CELF2: variants seen among roughly 807,000 people sequenced by gnomAD.
CELF2 encodes the protein CUGBP Elav-like family member 2.
Under a neutral mutation model 62.6 loss-of-function variants are expected in CELF2, and 8 were observed. The ratio of observed to expected loss-of-function variants is 0.13; its 90% CI spans 0.07 to 0.23. The LOEUF is 0.23. CELF2 is among the 10% of genes least tolerant of loss of function. CELF2 has a pLI of 1.00. For synonymous variants in CELF2, 258 were observed against 250.0 expected (o/e 1.03, Z -0.30); for missense variants, 333 against 671.0 (o/e 0.50, Z 5.56).
chr10:10,924,279 C>CT (rs1344777105), intron 2 of CELF2, among the ~76,000 whole-genome samples: 8,232 of 52,294 alleles, frequency 0.16, 1,305 homozygotes, highest in East Asian at 0.26. Context: ...GAGACTCCGT[C>CT]CCAAAAAAAA....
intron 8 of CELF2, among the ~76,000 whole-genome samples, chr10:11,282,764 A>G (rs1419440767): frequency 6.6e-6 from 1 of 152,240 alleles, no homozygotes; most frequent in East Asian, 1.9e-4. Context: ...AGTGAGGCAG[A>G]GCCAGCTTTC....
At chr10:10,759,239 T>C in the CELF2 span, among the ~76,000 whole-genome samples, 2 of 149,958 alleles carry the variant, frequency 1.3e-5, no homozygotes, top group Non-Finnish European at 3.0e-5. Context: ...CCACCCTACA[T>C]AAAGCAGGCA....
the CELF2 span, among the ~76,000 whole-genome samples, chr10:10,741,661 T>G: frequency 6.6e-6 from 1 of 152,168 alleles, no homozygotes; most frequent in African/African-American, 2.4e-5. Flanking sequence ...TTCTCAGTGC[T>G]TCAAATCAGT....
chr10:10,676,391 G>A, the CELF2 span, among the ~76,000 whole-genome samples: 27 of 152,324 alleles, frequency 1.8e-4, no homozygotes, highest in African/African-American at 3.8e-4. Flanking sequence ...ACATTAGACC[G>A]TGGTTAACTA....
At chr10:10,516,390 T>C in the CELF2 span, among the ~76,000 whole-genome samples, 3 of 152,192 alleles carry the variant, frequency 2.0e-5, no homozygotes, top group Admixed American at 1.3e-4. Flanking sequence ...TTTTACTATA[T>C]AAAAAATGTA....
intron 1 of CELF2, among the ~76,000 whole-genome samples, chr10:10,836,827 G>T (rs773611091): frequency 6.6e-6 from 1 of 152,096 alleles, no homozygotes; most frequent in African/African-American, 2.4e-5. Context: ...AATAGAGATG[G>T]GGTTTCACCG....
chr10:10,918,718 C>T (rs978750306), intron 1 of CELF2, among the ~76,000 whole-genome samples: 2 of 152,104 alleles, frequency 1.3e-5, no homozygotes, highest in African/African-American at 4.8e-5. Context: ...GTCAATGAAC[C>T]GTCTGCAAGT....
At chr10:10,536,717 C>A in the CELF2 span, among the ~76,000 whole-genome samples, 2 of 152,144 alleles carry the variant, frequency 1.3e-5, no homozygotes, top group Non-Finnish European at 1.5e-5. Context: ...AGAAAAACAC[C>A]AGTTATTTTA....
rs2082412546 is a variant in CELF2, at chr10:11,267,272, T to G, written c.618+595T>G. Among the ~76,000 whole-genome samples the G allele has an allele frequency of 6.6e-6, 1 of 152,170 alleles. No homozygotes were observed. Among genetic ancestry groups the G allele is most frequent in the South Asian group, 2.1e-4 (1 of 4,830 alleles). ...AAAGATGAGCAATAACAAAGAAACATAATAAAGGCTCAAATGTGGTCTCCT... is the reference window on the plus strand; with the variant it reads ...AAAGATGAGCAATAACAAAGAAACAGAATAAAGGCTCAAATGTGGTCTCCT... On this transcript the variant is annotated intron_variant, in intron 6 of 12. Coordinates refer to ENST00000633077, the MANE Select transcript of CELF2 (RefSeq NM_001326342.2). The surrounding 1 kb of genome is among the most constrained non-coding windows in gnomAD (Gnocchi z 4.4).
the CELF2 span, among the ~76,000 whole-genome samples, chr10:10,483,382 T>C: frequency 6.6e-6 from 1 of 152,166 alleles, no homozygotes; most frequent in South Asian, 2.1e-4. Flanking sequence ...GAAGATTTCA[T>C]AGTGAGTTGG....
At chr10:11,210,347 C>A (rs778113893) in intron 2 of CELF2, among the ~76,000 whole-genome samples, 1 of 152,164 alleles carries the variant, frequency 6.6e-6, no homozygotes, top group Admixed American at 6.5e-5. Context: ...TGGACAGGCC[C>A]GTCTTGACCC....
chr10:11,175,297 A>G (rs531714797), intron 2 of CELF2, among the ~76,000 whole-genome samples: 16 of 152,280 alleles, frequency 1.1e-4, no homozygotes, highest in African/African-American at 3.1e-4. Context: ...TAGGAGGTTA[A>G]CTTAAAAGAC....
the CELF2 span, among the ~76,000 whole-genome samples, chr10:10,574,411 G>T: frequency 4.6e-5 from 7 of 152,102 alleles, no homozygotes; most frequent in Non-Finnish European, 8.8e-5. Flanking sequence ...TACTCCACAG[G>T]TTAAGGAAAA....
At chr10:11,272,812 A>G (rs901897320) in intron 7 of CELF2, among the ~76,000 whole-genome samples, 2 of 152,330 alleles carry the variant, frequency 1.3e-5, no homozygotes, top group South Asian at 2.1e-4. Flanking sequence ...ATCCATGGCA[A>G]TAATCCTGGG....
chr10:10,782,025 T>C, the CELF2 span, among the ~76,000 whole-genome samples: 1 of 152,194 alleles, frequency 6.6e-6, no homozygotes, highest in Non-Finnish European at 1.5e-5. Context: ...AATTGAGAGA[T>C]GATTTAAAGT....
At chr10:11,226,608 ACACAC>A (rs375015657) in intron 3 of CELF2, among the ~76,000 whole-genome samples, 75,994 of 147,216 alleles carry the variant, frequency 0.52, 19,293 homozygotes, top group East Asian at 0.57. Context: ...GGCCACACAC[ACACAC>A]ACACACACAC....
intron 1 of CELF2, among the ~76,000 whole-genome samples, chr10:11,078,337 T>C (rs1017579363): frequency 6.6e-6 from 1 of 152,204 alleles, no homozygotes; most frequent in African/African-American, 2.4e-5. Context: ...CATAAACTTA[T>C]GCTTTGCTCA....
intron 2 of CELF2, among the ~76,000 whole-genome samples, chr10:10,980,568 C>T (rs1007578903): frequency 1.3e-5 from 2 of 152,196 alleles, no homozygotes; most frequent in African/African-American, 4.8e-5. Context: ...ATGGCAATCA[C>T]CTTGCATCAA....
chr10:10,465,945 A>T, the CELF2 span, among the ~76,000 whole-genome samples: 1 of 152,076 alleles, frequency 6.6e-6, no homozygotes, highest in African/African-American at 2.4e-5. Context: ...TGCCCCCAAG[A>T]CTGTAGAGGA....
Sources: allele counts gnomAD v4.1 joint callset (sites outside exome capture counted in the v4.1 genomes callset), GRCh38; gene constraint gnomAD v4.1.1; non-coding constraint Gnocchi (gnomAD v3.1); transcripts MANE v1.5; gene names NCBI Gene and HGNC (gene_info 2026-07-23, HGNC 2026-07-21).